Variants in CNTNAP2 observed in about 807,000 individuals in gnomAD.
The protein encoded by CNTNAP2 is contactin associated protein 2.
In CNTNAP2, 98 loss-of-function variants were observed where a neutral mutation model predicts 155.2. The ratio of observed to expected loss-of-function variants is 0.63; its 90% CI spans 0.54 to 0.75. The LOEUF (loss-of-function observed/expected upper bound fraction) is 0.75. Among genes scored for constraint, CNTNAP2 ranks in the 30% least tolerant of loss-of-function variants. The pLI is 0.00. For missense variants in CNTNAP2, 1,727 were observed against 1,688.1 expected (o/e 1.02, Z -0.40); for synonymous variants, 651 against 631.2 (o/e 1.03, Z -0.47).
At chr7:147,614,960 T>A (rs1028001275) in intron 12 of CNTNAP2, among the ~76,000 whole-genome samples, 6 of 151,716 alleles carry the variant, frequency 4.0e-5, no homozygotes, top group Admixed American at 2.0e-4. Context: ...GTTTCTAAAA[T>A]TAAGAATTCA....
At chr7:147,961,080 C>T (rs1027227079) in intron 14 of CNTNAP2, among the ~76,000 whole-genome samples, 1 of 152,044 alleles carries the variant, frequency 6.6e-6, no homozygotes, top group African/African-American at 2.4e-5. Flanking sequence ...TGATTCCATA[C>T]AATTCTGTCT....
chr7:146,826,459 A>G (rs1042296926), intron 2 of CNTNAP2, among the ~76,000 whole-genome samples: 2 of 152,108 alleles, frequency 1.3e-5, no homozygotes, highest in Non-Finnish European at 2.9e-5. Context: ...CCTTTGAAGC[A>G]GGCCTGTGCC....
At chr7:148,384,946 T>G (rs1799157333) in intron 22 of CNTNAP2, among the ~76,000 whole-genome samples, 1 of 152,172 alleles carries the variant, frequency 6.6e-6, no homozygotes, top group Admixed American at 6.5e-5. Context: ...TAATCTAATA[T>G]TATTATATTA....
At chr7:146,798,558 A>G (rs1227757415) in intron 2 of CNTNAP2, among the ~76,000 whole-genome samples, 2 of 152,082 alleles carry the variant, frequency 1.3e-5, no homozygotes, top group African/African-American at 4.8e-5. Flanking sequence ...GTTGCCCAGA[A>G]TGGTTTTGAA....
intron 5 of CNTNAP2, among the ~76,000 whole-genome samples, chr7:147,119,028 G>A (rs1801046033): frequency 6.6e-6 from 1 of 152,050 alleles, no homozygotes; most frequent in Non-Finnish European, 1.5e-5. Flanking sequence ...ACCCAATAGA[G>A]GAAAAGAAGG....
At chr7:147,253,821 T>C (rs1804258189) in intron 8 of CNTNAP2, among the ~76,000 whole-genome samples, 1 of 152,086 alleles carries the variant, frequency 6.6e-6, no homozygotes, top group Non-Finnish European at 1.5e-5. Context: ...TACTTAAGAG[T>C]GCCATTTTCT....
intron 18 of CNTNAP2, among the ~76,000 whole-genome samples, chr7:148,198,776 G>A (rs761579736): frequency 1.1e-4 from 16 of 152,308 alleles, no homozygotes; most frequent in South Asian, 1.0e-3. Context: ...TCATAGCTGC[G>A]AAGCTCAACT....
intron 22 of CNTNAP2, among the ~76,000 whole-genome samples, chr7:148,402,193 A>G (rs1020290733): frequency 3.3e-5 from 5 of 152,100 alleles, no homozygotes; most frequent in Non-Finnish European, 4.4e-5. Context: ...GACAATCATG[A>G]AAGCAGCTGC....
chr7:147,879,308 G>T (rs1234572327), intron 13 of CNTNAP2, among the ~76,000 whole-genome samples: 1 of 152,094 alleles, frequency 6.6e-6, no homozygotes, highest in Non-Finnish European at 1.5e-5. Flanking sequence ...ACACAGGGCT[G>T]GCATTCAGAG....
intron 14 of CNTNAP2, among the ~76,000 whole-genome samples, chr7:147,915,825 A>C (rs1399052014): frequency 6.6e-6 from 1 of 152,142 alleles, no homozygotes; most frequent in African/African-American, 2.4e-5. Context: ...CATGTGTTTC[A>C]GTATTAGAGC....
chr7:147,244,778 C>A (rs1804020080), intron 8 of CNTNAP2, among the ~76,000 whole-genome samples: 1 of 152,140 alleles, frequency 6.6e-6, no homozygotes, highest in African/African-American at 2.4e-5. Context: ...GTAATCACTT[C>A]CTATTGCCCA....
At chr7:146,806,289 A>G (rs1224812706) in intron 2 of CNTNAP2, among the ~76,000 whole-genome samples, 1 of 151,888 alleles carries the variant, frequency 6.6e-6, no homozygotes, top group Non-Finnish European at 1.5e-5. Flanking sequence ...TCAGGAGTTC[A>G]AGACCAACCT....
At chr7:146,732,471 T>C (rs1352177722) in intron 1 of CNTNAP2, among the ~76,000 whole-genome samples, 2 of 152,160 alleles carry the variant, frequency 1.3e-5, no homozygotes, top group Admixed American at 6.5e-5. Flanking sequence ...TTTTCCTCTC[T>C]TGTTGGAATT....
chr7:146,351,219 C>G (rs895664972), intron 1 of CNTNAP2, among the ~76,000 whole-genome samples: 1 of 150,932 alleles, frequency 6.6e-6, no homozygotes, highest in Non-Finnish European at 1.5e-5. Context: ...GAACAGAAGA[C>G]TGAGGGTCAA....
intron 8 of CNTNAP2, among the ~76,000 whole-genome samples, chr7:147,236,057 A>G (rs1283911846): frequency 2.6e-5 from 4 of 152,088 alleles, no homozygotes; most frequent in African/African-American, 9.7e-5. Flanking sequence ...TCTTTGATAT[A>G]CTTATTTATA....
At chr7:147,558,730 TTCCTTCCTTCC>T (rs1209062677) in intron 11 of CNTNAP2, among the ~76,000 whole-genome samples, 1 of 151,354 alleles carries the variant, frequency 6.6e-6, no homozygotes, top group Admixed American at 6.6e-5. Flanking sequence ...CCTTCCTTCC[TTCCTTCCTTCC>T]TTTCTTCCTT....
intron 18 of CNTNAP2, among the ~76,000 whole-genome samples, chr7:148,204,641 G>A (rs925195421): frequency 6.6e-6 from 1 of 152,172 alleles, no homozygotes; most frequent in African/African-American, 2.4e-5. Flanking sequence ...TTAATTCAAA[G>A]ATTCCATTGT....
At chr7:146,672,341 C>T (rs1050662301) in intron 1 of CNTNAP2, among the ~76,000 whole-genome samples, 2 of 152,152 alleles carry the variant, frequency 1.3e-5, no homozygotes, top group Non-Finnish European at 2.9e-5. Context: ...CCTTGTCCTT[C>T]GAGTAATTCT....
chr7:146,831,890 T>A (rs1004843977), intron 2 of CNTNAP2, among the ~76,000 whole-genome samples: 79 of 152,134 alleles, frequency 5.2e-4, no homozygotes, highest in African/African-American at 1.9e-3. Context: ...CTTTCTTCTG[T>A]TTTGCTTAAA....
Sources: allele counts gnomAD v4.1 joint callset (sites outside exome capture counted in the v4.1 genomes callset), GRCh38; gene constraint gnomAD v4.1.1; transcripts MANE v1.5; gene names NCBI Gene and HGNC (gene_info 2026-07-23, HGNC 2026-07-21).